MINK1: variants seen among roughly 807,000 people sequenced by gnomAD.
MINK1 encodes misshapen like kinase 1.
MINK1 carries 46 observed loss-of-function variants against 178.4 expected under a neutral mutation model. The observed-to-expected ratio is 0.26, with a 90% CI of 0.20 to 0.33. The LOEUF (loss-of-function observed/expected upper bound fraction) is 0.33. Among genes scored for constraint, MINK1 ranks in the 10% least tolerant of loss-of-function variants. MINK1 has a pLI of 1.00. For synonymous variants in MINK1, 797 were observed against 709.7 expected (o/e 1.12, Z -1.96); for missense variants, 1,366 against 1,814.9 (o/e 0.75, Z 4.49).
intron 1 of MINK1, among the ~76,000 whole-genome samples, chr17:4,839,137 G>A (rs947874568): frequency 5.9e-5 from 9 of 152,082 alleles, no homozygotes; most frequent in Non-Finnish European, 1.2e-4. Flanking sequence ...TAGAGACGGG[G>A]TTTCACCGTG....
rs1269185576 is a variant in MINK1, at chr17:4,895,441, C to G, written c.3177C>G (p.Arg1059=). The G allele has an allele frequency of 1.2e-6, 2 of 1,607,108 alleles. No individual in the cohort carries two copies. Among genetic ancestry groups the G allele is most frequent in the South Asian group, 2.2e-5 (2 of 90,108 alleles). ...GKVYGLIGRR[R]FQQMDVLEGL... The stretch of plus-strand genomic sequence containing the variant: ...TGTATGGACTCATTGGGCGGCGACG[C>G]TTCCAGCAGATGGATGTGCTGGAGG... The change falls in exon 26 of 32, where the codon CGC becomes CGG. Residue 1059 remains arginine, a synonymous_variant. Transcript: ENST00000355280. This position sits in a 1 kb window ranked among gnomAD's most constrained non-coding sequence, Gnocchi z 4.3.
At chr17:4,891,816 G>C in intron 16 of MINK1, 100 bp downstream of exon 16, 1 of 1,435,862 alleles carries the variant, frequency 7.0e-7, no homozygotes, top group South Asian at 1.4e-5. Flanking sequence ...AGTGCAGGGC[G>C]GGAAGCGAGA....
At chr17:4,889,791 C>G in intron 13 of MINK1, 28 bp downstream of exon 13, 1 of 1,458,456 alleles carries the variant, frequency 6.9e-7, no homozygotes, top group Non-Finnish European at 9.1e-7. Context: ...CATCCCTGCC[C>G]TCCCGCCCTC....
In MINK1 at chr17:4,886,222, C is replaced by G. The variant is rs752570142; in HGVS notation, c.773+24C>G. Reference sequence around the variant, plus strand: ...TGGTAGGTCTCTGAGAGTGTGGGCTCTGGGAAGGAAGGTCCCTGGACAAGG... The same window carrying G: ...TGGTAGGTCTCTGAGAGTGTGGGCTGTGGGAAGGAAGGTCCCTGGACAAGG... On this transcript the variant is annotated intron_variant, in intron 9 of 31. Transcript: ENST00000355280. The surrounding 1 kb of genome is among the most constrained non-coding windows in gnomAD (Gnocchi z 6.1). The G allele has an allele frequency of 3.8e-5, 62 of 1,611,286 alleles. No homozygotes were observed. The highest frequency in any genetic ancestry group is 3.2e-4 in the South Asian group (29 of 91,010).
Position 4,891,542 on chromosome 17 carries a change from C to T in MINK1, c.1827C>T (p.Asn609=). The T allele has an allele frequency of 6.2e-7, 1 of 1,610,130 alleles. No individual in the cohort carries two copies. Among genetic ancestry groups the T allele is most frequent in the Middle Eastern group, 1.7e-4 (1 of 6,056 alleles). Residue 609 remains asparagine, a synonymous_variant, in exon 16 of 32, where the codon AAC becomes AAT. Transcript: ENST00000355280. ...CCCTGCAGGACCAGCCCACCCGAAA[C>T]CTGGCTGCCTTCCCAGCCTCCCATG... ...SQSLQDQPTR[N]LAAFPASHDP...
intron 16 of MINK1, 42 bp downstream of exon 16, chr17:4,891,758 G>C: frequency 1.3e-6 from 2 of 1,558,932 alleles, no homozygotes; most frequent in Admixed American, 3.8e-5. Flanking sequence ...CAGAGAGCTA[G>C]TCATGAAGAG....
intron 1 of MINK1, among the ~76,000 whole-genome samples, chr17:4,851,502 C>A (rs1310937622): frequency 3.3e-5 from 5 of 152,188 alleles, no homozygotes; most frequent in African/African-American, 7.2e-5. Flanking sequence ...TGTCTGCCCC[C>A]CTGCGATGGG....
chr17:4,866,422 G>A (rs922832287), intron 1 of MINK1, among the ~76,000 whole-genome samples: 1 of 151,624 alleles, frequency 6.6e-6, no homozygotes, highest in Non-Finnish European at 1.5e-5. Context: ...AGCCGAGATC[G>A]CGCCACTGAA....
At chr17:4,877,100 A>G (rs1218609274) in intron 1 of MINK1, among the ~76,000 whole-genome samples, 2 of 151,868 alleles carry the variant, frequency 1.3e-5, no homozygotes, top group African/African-American at 4.8e-5. Context: ...AGAAAAAAAA[A>G]AAAAAGAGCC....
At chr17:4,878,751 A>G (rs1967427669) in intron 2 of MINK1, among the ~76,000 whole-genome samples, 1 of 152,130 alleles carries the variant, frequency 6.6e-6, no homozygotes, top group African/African-American at 2.4e-5. Context: ...CCACAAAGAG[A>G]CCCAGGACTT....
rs747290359 is a variant in MINK1 at position 4,896,836 on chromosome 17, A to C, written c.3915+23A>C. 2 of 1,541,706 alleles carry C rather than the reference A, an allele frequency of 1.3e-6. No individual in the cohort carries two copies. The highest frequency in any genetic ancestry group is 2.3e-5 in the East Asian group (1 of 44,320). On this transcript the variant is annotated intron_variant, in intron 31 of 31. Coordinates refer to ENST00000355280, the MANE Select transcript of MINK1 (RefSeq NM_153827.5). This position sits in a 1 kb window ranked among gnomAD's most constrained non-coding sequence, Gnocchi z 4.6. Reference sequence around the variant, plus strand: ...AAGGTGGGAGGCTCCTTCCCTCTGAAAGCCCTGCTGTCCCGGCTGCCATGA... The same window carrying C: ...AAGGTGGGAGGCTCCTTCCCTCTGACAGCCCTGCTGTCCCGGCTGCCATGA...
intron 1 of MINK1, chr17:4,871,142 A>T: frequency 3.9e-6 from 1 of 255,818 alleles, no homozygotes; most frequent in East Asian, 1.4e-4. Context: ...TGCAACATCT[A>T]GCAGTAGTTT....
At position 4,836,609 on chromosome 17, in the gene MINK1, G is replaced by A. The variant is rs1909342364; in HGVS notation, c.57+2969G>A. ...GTCCTGTATCGTGGGCATGGTAATA[G>A]TACTGAATGCAGAGTTGCTGAGGAT... On this transcript the variant is annotated intron_variant, in intron 1 of 31. Coordinates refer to ENST00000355280, the MANE Select transcript of MINK1 (RefSeq NM_153827.5). The surrounding 1 kb of genome is among the most constrained non-coding windows in gnomAD (Gnocchi z 4.3). Among the ~76,000 whole-genome samples, 1 of 152,168 alleles carries A rather than the reference G, an allele frequency of 6.6e-6. No homozygotes were observed. Among genetic ancestry groups the A allele is most frequent in the Non-Finnish European group, 1.5e-5 (1 of 68,034 alleles).
chr17:4,848,755 C>A (rs2150789337), intron 1 of MINK1, among the ~76,000 whole-genome samples: 1 of 152,264 alleles, frequency 6.6e-6, no homozygotes, highest in East Asian at 1.9e-4. Flanking sequence ...CCTCAGCCTC[C>A]CAAAGTGCTG....
chr17:4,851,330 A>G (rs562331549), intron 1 of MINK1, among the ~76,000 whole-genome samples: 12 of 152,320 alleles, frequency 7.9e-5, no homozygotes, highest in Admixed American at 2.6e-4. Flanking sequence ...TGCCTAAATT[A>G]TACAGAAGAG....
chr17:4,871,093 T>C, intron 1 of MINK1: 1 of 364,516 alleles, frequency 2.7e-6, no homozygotes, highest in Non-Finnish European at 5.8e-6. Context: ...TGTGACTAGC[T>C]TCTTTCATAA....
chr17:4,866,934 G>T (rs937942781), intron 1 of MINK1, among the ~76,000 whole-genome samples: 4 of 151,484 alleles, frequency 2.6e-5, no homozygotes, highest in Non-Finnish European at 5.9e-5. Context: ...TTAGCCGGGC[G>T]TGGTGGCGGG....
intron 13 of MINK1, chr17:4,890,137 CCTT>C (rs1450391803): frequency 3.0e-5 from 17 of 561,522 alleles, no homozygotes; most frequent in African/African-American, 1.9e-4. Flanking sequence ...ATCCCTTCCT[CCTT>C]CTCCAACTCG....
chr17:4,890,492 C>G, intron 13 of MINK1, 25 bp from the exon 14 acceptor site: 1 of 1,566,434 alleles, frequency 6.4e-7, no homozygotes, highest in Non-Finnish European at 8.7e-7. Context: ...CCTGCTGAGC[C>G]CTCTCTCCCT....
Sources: allele counts gnomAD v4.1 joint callset (sites outside exome capture counted in the v4.1 genomes callset), GRCh38; gene constraint gnomAD v4.1.1; non-coding constraint Gnocchi (gnomAD v3.1); transcripts MANE v1.5; gene names NCBI Gene and HGNC (gene_info 2026-07-23, HGNC 2026-07-21).